The following ABLIM3 variants were observed in gnomAD, a reference collection of about 807,000 sequenced individuals.
ABLIM3 encodes actin binding LIM protein family member 3, also known as actin-binding LIM protein 3.
Under a neutral mutation model 109.5 loss-of-function variants are expected in ABLIM3, and 61 were observed. The ratio of observed to expected loss-of-function variants is 0.56; its 90% CI spans 0.45 to 0.69. The LOEUF (loss-of-function observed/expected upper bound fraction) is 0.69, where lower values mean the gene tolerates loss of function less well. Among genes scored for constraint, ABLIM3 ranks in the 30% least tolerant of loss-of-function variants. The pLI is 0.00. For synonymous variants in ABLIM3, 300 were observed against 324.8 expected, an observed-to-expected ratio of 0.92 and a Z score of 0.82; for missense variants, 796 against 889.5, an observed-to-expected ratio of 0.89 and a Z score of 1.34.
chr5:149,246,593 A>G lies in ABLIM3; in HGVS notation c.1551+47A>G, dbSNP rs200329234. 309 of 1,570,430 alleles carry G rather than the reference A, an allele frequency of 2.0e-4. 1 individual carries two copies. In the African/African-American group the frequency reaches 3.8e-3, roughly 19 times the overall value. On this transcript the variant is annotated intron_variant, in intron 17 of 23. Coordinates refer to ENST00000309868, the MANE Select transcript of ABLIM3 (RefSeq NM_014945.5). ...GAATATGATGCTTAGAGCGTATATC[A>G]CTGAGGGTCTTTTCATTTACAAGCA...
intron 3 of ABLIM3, among the ~76,000 whole-genome samples, chr5:149,193,411 A>G (rs1479808819): frequency 1.3e-5 from 2 of 152,042 alleles, no homozygotes; most frequent in Non-Finnish European, 2.9e-5. Flanking sequence ...AAAGTTGTAT[A>G]AGATAAAAAT....
intron 2 of ABLIM3, among the ~76,000 whole-genome samples, chr5:149,174,025 A>C (rs1173279685): frequency 2.0e-5 from 3 of 149,094 alleles, no homozygotes; most frequent in Non-Finnish European, 3.0e-5. Context: ...CCGTCTCAAA[A>C]AAAAAAAAAA....
Position 149,208,915 on chromosome 5 carries a change from G to T in ABLIM3, c.575+1781G>T, listed in dbSNP as rs796594375. On this transcript the variant is annotated intron_variant, in intron 6 of 23. Coordinates refer to ENST00000309868, the MANE Select transcript of ABLIM3 (RefSeq NM_014945.5). ...TCTGAGAGTTCCATGGAAGGTGGGGGTAAGATTCAAAAATGCAAAGAAGAA... is the reference window on the plus strand; with the variant it reads ...TCTGAGAGTTCCATGGAAGGTGGGGTTAAGATTCAAAAATGCAAAGAAGAA... Among the ~76,000 whole-genome samples the T allele has an allele frequency of 2.8e-4, 43 of 152,322 alleles. No individual in the cohort carries two copies. In the South Asian group the frequency reaches 8.9e-3, roughly 32 times the overall value.
chr5:149,258,167 A>AG (rs1364665147), intron 23 of ABLIM3, 124 bp from the exon 24 acceptor site: 1 of 705,420 alleles, frequency 1.4e-6, no homozygotes, highest in Non-Finnish European at 2.4e-6. Context: ...GCACCATGCA[A>AG]GGCACAGGGT....
In ABLIM3 at chr5:149,142,045, A is replaced by C. The variant is rs761879189; in HGVS notation, c.-51A>C. 6.2e-7 allele frequency: 1 copy of C among 1,613,862 alleles called. No individual in the cohort carries two copies. Among genetic ancestry groups the C allele is most frequent in the Admixed American group, 1.7e-5 (1 of 60,014 alleles). The stretch of plus-strand genomic sequence containing the variant: ...GGTTCGAAGAACGGAAGATTTAAAA[A>C]GCAGCCGGGGCCTCCGTATTGAATG... On this transcript the variant is annotated 5_prime_UTR_variant, in exon 2 of 24. Coordinates refer to ENST00000309868, the MANE Select transcript of ABLIM3 (RefSeq NM_014945.5).
chr5:149,172,439 C>T (rs1477787446), intron 2 of ABLIM3, among the ~76,000 whole-genome samples: 1 of 152,132 alleles, frequency 6.6e-6, no homozygotes, highest in Admixed American at 6.5e-5. Flanking sequence ...TCACCAAGAC[C>T]TTGAGTGTGT....
chr5:149,160,458 T>C (rs747666476), intron 2 of ABLIM3, among the ~76,000 whole-genome samples: 1 of 81,510 alleles, frequency 1.2e-5, no homozygotes, highest in Non-Finnish European at 2.8e-5. Flanking sequence ...TGAGACTCCG[T>C]CTCAAAAAAA....
intron 2 of ABLIM3, among the ~76,000 whole-genome samples, chr5:149,155,683 G>A (rs911094218): frequency 6.6e-6 from 1 of 152,196 alleles, no homozygotes; most frequent in South Asian, 2.1e-4. Context: ...CAATTCCTGA[G>A]TCCTGGGCCT....
chr5:149,186,646 G>A (rs1224783955), intron 3 of ABLIM3, among the ~76,000 whole-genome samples: 1 of 152,000 alleles, frequency 6.6e-6, no homozygotes, highest in Non-Finnish European at 1.5e-5. Flanking sequence ...TTTATTCCAG[G>A]CCTCAAAGAC....
chr5:149,231,457 C>T lies in ABLIM3; in HGVS notation c.816+750C>T, dbSNP rs557464783. On this transcript the variant is annotated intron_variant, in intron 9 of 23. Transcript: ENST00000309868. ...AATGGGGCCTTTACATCCTGGCCCCCGGATATCAAGTTGACCCCTTGGGAC... is the reference window on the plus strand; with the variant it reads ...AATGGGGCCTTTACATCCTGGCCCCTGGATATCAAGTTGACCCCTTGGGAC... 4.4e-4 allele frequency among the ~76,000 whole-genome samples: 67 copies of T among 152,238 alleles called. No individual in the cohort carries two copies. The South Asian group carries it at 0.013, about 30-fold the overall frequency.
At chr5:149,150,522 G>A (rs532585897) in intron 2 of ABLIM3, among the ~76,000 whole-genome samples, 137 of 152,292 alleles carry the variant, frequency 9.0e-4, no homozygotes, top group Non-Finnish European at 1.5e-3. Context: ...ACACATCTCA[G>A]AAAAATCACA....
chr5:149,197,763 G>C (rs1353231474), intron 3 of ABLIM3, among the ~76,000 whole-genome samples: 1 of 152,224 alleles, frequency 6.6e-6, no homozygotes, highest in Non-Finnish European at 1.5e-5. Context: ...TCCACCAGCT[G>C]TGTGGCCTTG....
At chr5:149,149,340 C>A (rs1043395343) in intron 2 of ABLIM3, among the ~76,000 whole-genome samples, 1 of 152,140 alleles carries the variant, frequency 6.6e-6, no homozygotes, top group Non-Finnish European at 1.5e-5. Context: ...GGCATTGGGT[C>A]TCAGTGAATG....
chr5:149,181,267 G>A (rs1756428667), intron 2 of ABLIM3, among the ~76,000 whole-genome samples: 1 of 151,518 alleles, frequency 6.6e-6, no homozygotes. Flanking sequence ...AAGAGAATAA[G>A]ATTAAAGAGA....
intron 23 of ABLIM3, among the ~76,000 whole-genome samples, chr5:149,255,550 A>T (rs1045750882): frequency 6.6e-5 from 10 of 152,228 alleles, no homozygotes; most frequent in African/African-American, 2.4e-4. Flanking sequence ...GCAGTTTTAA[A>T]TAGCATCATC....
At chr5:149,222,084 G>T (rs185569640) in intron 8 of ABLIM3, among the ~76,000 whole-genome samples, 32 of 150,910 alleles carry the variant, frequency 2.1e-4, no homozygotes, top group Admixed American at 4.0e-4. Flanking sequence ...CAAATTATAG[G>T]TCTCACCAAT....
chr5:149,192,119 G>C (rs989736713), intron 3 of ABLIM3, among the ~76,000 whole-genome samples: 12 of 152,104 alleles, frequency 7.9e-5, no homozygotes, highest in Non-Finnish European at 1.6e-4. Context: ...GAACAAGATA[G>C]AGGTGCTCAC....
chr5:149,143,204 A>G (rs559206719), intron 2 of ABLIM3, among the ~76,000 whole-genome samples: 1 of 152,056 alleles, frequency 6.6e-6, no homozygotes, highest in African/African-American at 2.4e-5. Flanking sequence ...CTCTACTAAA[A>G]ACACAAAAAT....
intron 3 of ABLIM3, among the ~76,000 whole-genome samples, chr5:149,184,001 C>T (rs1581071426): frequency 7.0e-6 from 1 of 141,882 alleles, no homozygotes. Flanking sequence ...AGTAGCTATT[C>T]TATGACAATG....
Sources: gnomAD v4.1 joint callset for allele counts (sites outside exome capture counted in the v4.1 genomes callset) on GRCh38, gnomAD v4.1.1 for gene constraint, MANE v1.5 for transcripts, NCBI Gene and HGNC (gene_info 2026-07-23, HGNC 2026-07-21) for gene names.